The following PTPN21 variants were observed in gnomAD, a reference collection of about 807,000 sequenced individuals.
The protein encoded by PTPN21 is protein tyrosine phosphatase non-receptor type 21.
A neutral mutation model predicts 131.8 loss-of-function variants in PTPN21; 77 were observed. The ratio of observed to expected loss-of-function variants is 0.58; its 90% CI spans 0.49 to 0.71. The LOEUF (loss-of-function observed/expected upper bound fraction) is 0.71, where lower values mean the gene tolerates loss of function less well. Among genes scored for constraint, PTPN21 ranks in the 30% least tolerant of loss-of-function variants. The pLI is 0.00. For synonymous variants in PTPN21, 715 were observed against 621.3 expected, an observed-to-expected ratio of 1.15 and a Z score of -2.24; for missense variants, 1,552 against 1,527.1, an observed-to-expected ratio of 1.02 and a Z score of -0.27.
chr14:88,501,017 T>C (rs930956947), intron 7 of PTPN21, 146 bp from the exon 8 acceptor site: 2 of 663,186 alleles, frequency 3.0e-6, no homozygotes, highest in Non-Finnish European at 5.3e-6. Context: ...CTGAATGAGA[T>C]CTATGATCTT....
intron 3 of PTPN21, chr14:88,513,742 T>C (rs954262899): frequency 5.3e-5 from 8 of 152,248 alleles, no homozygotes; most frequent in Non-Finnish European, 1.0e-4. Context: ...AATATTTTGT[T>C]ACGGCAGCCC....
chr14:88,508,891 T>C (rs1041517055), intron 3 of PTPN21, among the ~76,000 whole-genome samples: 2 of 152,196 alleles, frequency 1.3e-5, no homozygotes, highest in Non-Finnish European at 2.9e-5. Flanking sequence ...GTACTTTCAA[T>C]ATATAGGGCA....
intron 10 of PTPN21, among the ~76,000 whole-genome samples, chr14:88,488,325 G>A (rs1221094974): frequency 7.5e-6 from 1 of 133,734 alleles, no homozygotes; most frequent in Non-Finnish European, 1.6e-5. Flanking sequence ...CGCTCTTGCC[G>A]CAGCACCCAG....
chr14:88,481,787 T>C (rs1435444017), intron 12 of PTPN21, among the ~76,000 whole-genome samples: 2 of 152,160 alleles, frequency 1.3e-5, no homozygotes, highest in Non-Finnish European at 2.9e-5. Flanking sequence ...CGTGTCCAGC[T>C]TCCATCAGAA....
At position 88,470,069 on chromosome 14, in the gene PTPN21, A is replaced by C; in HGVS notation, c.2872-19T>G. The C allele has an allele frequency of 1.2e-6, 2 of 1,607,554 alleles. No homozygotes were observed. ...CAGAGACCTGGGATTAGAAAAGGTT[A>C]AAAAAATTGATGTGTGGGTATAATA... On this transcript the variant is annotated intron_variant, in intron 15 of 18. Coordinates refer to ENST00000556564, the MANE Select transcript of PTPN21 (RefSeq NM_007039.4).
chr14:88,510,623 G>A (rs1455958219), intron 3 of PTPN21, among the ~76,000 whole-genome samples: 1 of 152,168 alleles, frequency 6.6e-6, no homozygotes, highest in Non-Finnish European at 1.5e-5. Context: ...AAGGACCCAG[G>A]AGCCAGCCTG....
chr14:88,548,943 C>T (rs2078821005), intron 2 of PTPN21, among the ~76,000 whole-genome samples: 1 of 152,160 alleles, frequency 6.6e-6, no homozygotes, highest in Non-Finnish European at 1.5e-5. Flanking sequence ...CCTTATGCTA[C>T]TCTGAGAATT....
At chr14:88,515,391 TG>T (rs1233237620) in intron 3 of PTPN21, 1 of 152,212 alleles carries the variant, frequency 6.6e-6, no homozygotes, top group Non-Finnish European at 1.5e-5. Context: ...ATTCCTAAAC[TG>T]GTGTCCTGCC....
chr14:88,501,053 G>A, intron 7 of PTPN21, 182 bp from the exon 8 acceptor site: 1 of 637,650 alleles, frequency 1.6e-6, no homozygotes, highest in Non-Finnish European at 2.8e-6. Flanking sequence ...AATTGAAAAA[G>A]TTTGGCCCTC....
At chr14:88,478,199 A>C (rs564422665) in intron 13 of PTPN21, among the ~76,000 whole-genome samples, 1 of 152,376 alleles carries the variant, frequency 6.6e-6, no homozygotes, top group South Asian at 2.1e-4. Context: ...TGATGCTACT[A>C]TGCTTTTTTA....
At chr14:88,517,003 T>A (rs1387919122) in intron 3 of PTPN21, 89 bp downstream of exon 3, 8 of 1,470,488 alleles carry the variant, frequency 5.4e-6, no homozygotes, top group African/African-American at 1.4e-5. Context: ...GGGCAAAGTT[T>A]CAAACTTATC....
intron 3 of PTPN21, among the ~76,000 whole-genome samples, chr14:88,515,730 G>T (rs2078259333): frequency 6.6e-6 from 1 of 152,110 alleles, no homozygotes; most frequent in Non-Finnish European, 1.5e-5. Context: ...TATTATCATA[G>T]GATACTGTAA....
chr14:88,520,345 A>G (rs1595395087), intron 2 of PTPN21, among the ~76,000 whole-genome samples: 1 of 152,008 alleles, frequency 6.6e-6, no homozygotes, highest in Non-Finnish European at 1.5e-5. Context: ...AGGTAGACAG[A>G]GGCTGCAGTC....
At chr14:88,477,464 A>AG (rs925987892) in intron 13 of PTPN21, among the ~76,000 whole-genome samples, 5 of 150,614 alleles carry the variant, frequency 3.3e-5, no homozygotes, top group African/African-American at 9.9e-5. Context: ...AAAAAAAAAA[A>AG]AAAAAAGCAA....
rs181190670 is a variant in PTPN21, at chr14:88,506,688, G to A, written c.448+1235C>T. Among the ~76,000 whole-genome samples, 176 of 152,148 alleles carry A rather than the reference G, an allele frequency of 1.2e-3. 4 individuals carry two copies. The highest frequency in any genetic ancestry group is 4.0e-3 in the African/African-American group (166 of 41,480). On this transcript the variant is annotated intron_variant, in intron 4 of 18. Transcript: ENST00000556564. Reference sequence around the variant, plus strand: ...ATAAAAGTCTATACATGGGGTACAGGGTACACTGCTCAGGTGATGGGTACA... The same window carrying A: ...ATAAAAGTCTATACATGGGGTACAGAGTACACTGCTCAGGTGATGGGTACA...
Position 88,523,716 on chromosome 14 carries a change from GACACACACACACAC to G in PTPN21, c.181-6469_181-6456del, listed in dbSNP as rs71126989. Reference sequence around the variant, plus strand: ...TCCTCCAAATCCACCCCCCAACCGTGACACACACACACACACACACACACACACACACACACACA... The same window carrying G: ...TCCTCCAAATCCACCCCCCAACCGTGACACACACACACACACACACACACA... On this transcript the variant is annotated intron_variant, in intron 2 of 18. Coordinates refer to ENST00000556564, the MANE Select transcript of PTPN21 (RefSeq NM_007039.4). Among the ~76,000 whole-genome samples, 325 of 144,544 alleles carry G rather than the reference GACACACACACACAC, an allele frequency of 2.2e-3. 2 individuals are homozygous for G. Among genetic ancestry groups the G allele is most frequent in the South Asian group, 0.016 (68 of 4,380 alleles). The allele number at this position is 144,544 out of a possible 152,430, so 94.8% of individuals were successfully genotyped here. A position where few individuals can be genotyped will look rare whatever the true frequency, so the allele number is the denominator to read the frequency against.
intron 13 of PTPN21, among the ~76,000 whole-genome samples, chr14:88,474,131 C>CAAAAAAAAAAAAAAAAAAAAAAA (rs754719071): frequency 1.1e-4 from 5 of 46,686 alleles, no homozygotes; most frequent in African/African-American, 1.6e-4. Context: ...AGCTGAAGTC[C>CAAAAAAAAAAAAAAAAAAAAAAA]AAAAAAAAAA....
intron 10 of PTPN21, among the ~76,000 whole-genome samples, chr14:88,495,766 T>C (rs2077904152): frequency 6.6e-6 from 1 of 152,132 alleles, no homozygotes; most frequent in Non-Finnish European, 1.5e-5. Flanking sequence ...GAAGGAGCTG[T>C]CGGAGGATCA....
At position 88,480,105 on chromosome 14, in the gene PTPN21, G is replaced by C. The variant is rs137858098; in HGVS notation, c.1326C>G (p.Pro442=). 6.8e-6 allele frequency: 11 copies of C among 1,614,202 alleles called. No individual in the cohort carries two copies. The highest frequency in any genetic ancestry group is 2.2e-5 in the South Asian group (2 of 91,078). ...AGTCTGGGGTGGGGCGGTAGGACGGGGGTATCACGGCGCTGTGCCGATGGG... is the reference window on the plus strand; with the variant it reads ...AGTCTGGGGTGGGGCGGTAGGACGGCGGTATCACGGCGCTGTGCCGATGGG... ...LPSHRHSAVI[P]PSYRPTPDYE... The change falls in exon 13 of 19, where the codon CCC becomes CCG. Residue 442 remains proline, a synonymous_variant. Transcript: ENST00000556564.
Sources: gnomAD v4.1 joint callset for allele counts (sites outside exome capture counted in the v4.1 genomes callset) on GRCh38, gnomAD v4.1.1 for gene constraint, MANE v1.5 for transcripts, NCBI Gene and HGNC (gene_info 2026-07-23, HGNC 2026-07-21) for gene names.